The following WDCP variants were observed in gnomAD, a reference collection of about 807,000 sequenced individuals.
WDCP encodes WD repeat and coiled-coil-containing protein.
In WDCP, 19 loss-of-function variants were observed where a neutral mutation model predicts 41.6. The observed-to-expected ratio is 0.46, with a 90% CI of 0.32 to 0.67. WDCP has a LOEUF of 0.67. WDCP is among the 30% of genes least tolerant of loss of function. WDCP has a pLI of 0.04. For missense variants in WDCP, 802 were observed against 850.7 expected, an observed-to-expected ratio of 0.94 and a Z score of 0.71; for synonymous variants, 302 against 320.8, an observed-to-expected ratio of 0.94 and a Z score of 0.63.
At chr2:24,041,188 AATT>A (rs1157734339) in intron 1 of WDCP, among the ~76,000 whole-genome samples, 1 of 151,124 alleles carries the variant, frequency 6.6e-6, no homozygotes, top group African/African-American at 2.4e-5. Flanking sequence ...ATAATACAAA[AATT>A]AGCCGGGCAT....
intron 2 of WDCP, among the ~76,000 whole-genome samples, chr2:24,036,534 T>A (rs1663262630): frequency 6.6e-6 from 1 of 152,202 alleles, no homozygotes; most frequent in Admixed American, 6.5e-5. Flanking sequence ...GTAACTCAAT[T>A]AAAAGTAGAA....
At position 24,039,210 on chromosome 2, in the gene WDCP, C is replaced by CT; in HGVS notation, c.284_285insA (p.Met95IlefsTer13). 6.2e-7 allele frequency: 1 copy of CT among 1,614,224 alleles called. No individual in the cohort carries two copies. Among genetic ancestry groups the CT allele is most frequent in the Non-Finnish European group, 8.5e-7 (1 of 1,180,036 alleles). On this transcript the variant is annotated frameshift_variant, in exon 2 of 4. Transcript: ENST00000295148. LOFTEE classifies it high-confidence loss of function. Reference sequence around the variant, plus strand: ...GAGACGTCAGCCATTTGCTTGACTCCATAGGGCTGGGACACAGCTGCCACA... The same window carrying CT: ...GAGACGTCAGCCATTTGCTTGACTCCTATAGGGCTGGGACACAGCTGCCACA...
intron 3 of WDCP, among the ~76,000 whole-genome samples, chr2:24,031,819 C>G (rs186731848): frequency 1.7e-4 from 26 of 148,790 alleles, no homozygotes; most frequent in African/African-American, 6.2e-4. Context: ...GAGTGAGACT[C>G]GGTCTCAAAA....
rs755915811 is a variant in WDCP at position 24,038,577 on chromosome 2, C to T, written c.918G>A (p.Lys306=). 1 of 1,614,020 alleles carries T rather than the reference C, an allele frequency of 6.2e-7. No individual in the cohort carries two copies. Among genetic ancestry groups the T allele is most frequent in the Non-Finnish European group, 8.5e-7 (1 of 1,179,968 alleles). Residue 306 remains lysine (K), a synonymous_variant, in exon 2 of 4, where the codon AAG becomes AAA. Coordinates refer to ENST00000295148, the MANE Select transcript of WDCP (RefSeq NM_025203.3). ...EGNSLICLRK[K]DYLTGTGQDS... The stretch of plus-strand genomic sequence containing the variant: ...CTTGGCCAGTTCCTGTCAAGTAGTC[C>T]TTTTTTCTTAGACAAATAAGAGAAT...
Position 24,030,751 on chromosome 2 carries a change from G to A in WDCP, c.*182C>T. On this transcript the variant is annotated 3_prime_UTR_variant, in exon 4 of 4. Coordinates refer to ENST00000295148, the MANE Select transcript of WDCP (RefSeq NM_025203.3). ...CTTTCGGAGCCATCTAATAAAGACT[G>A]AGCTCTGCTACACAGCAGCGAGCCT... The A allele has an allele frequency of 3.4e-6, 2 of 591,478 alleles. No individual in the cohort carries two copies. Among genetic ancestry groups the A allele is most frequent in the Non-Finnish European group, 6.1e-6 (2 of 327,594 alleles). 36.6% of individuals were successfully genotyped at this position (591,478 alleles called of 1,614,324 possible). A position where few individuals can be genotyped will look rare whatever the true frequency, so the allele number is the denominator to read the frequency against.
intron 2 of WDCP, among the ~76,000 whole-genome samples, chr2:24,033,418 A>G (rs1474438226): frequency 6.6e-6 from 1 of 152,194 alleles, no homozygotes; most frequent in Non-Finnish European, 1.5e-5. Context: ...AAAAGCACAA[A>G]TAAAAATAAA....
At chr2:24,042,577 C>T (rs1296273806) in intron 1 of WDCP, among the ~76,000 whole-genome samples, 2 of 146,526 alleles carry the variant, frequency 1.4e-5, no homozygotes, top group Non-Finnish European at 3.0e-5. Flanking sequence ...GCTGTGGTGG[C>T]GCATGCCTGT....
At position 24,034,351 on chromosome 2, in the gene WDCP, C is replaced by T. The variant is rs192554558; in HGVS notation, c.1819-1405G>A. Among the ~76,000 whole-genome samples, 24 of 152,166 alleles carry T rather than the reference C, an allele frequency of 1.6e-4. No homozygotes were observed. In the East Asian group the frequency reaches 4.2e-3, roughly 27 times the overall value. ...CAGAGAATCGCTTGAACCCAGGAGGCGGAGGTTGCAGTGAGCCAAGATCGC... is the reference window on the plus strand; with the variant it reads ...CAGAGAATCGCTTGAACCCAGGAGGTGGAGGTTGCAGTGAGCCAAGATCGC... On this transcript the variant is annotated intron_variant, in intron 2 of 3. Transcript: ENST00000295148.
chr2:24,034,574 CT>C (rs70944707), intron 2 of WDCP, among the ~76,000 whole-genome samples: 89 of 137,996 alleles, frequency 6.4e-4, no homozygotes, highest in Non-Finnish European at 6.6e-4. Context: ...GGCAACAAAA[CT>C]TTTTTTTTTT....
At chr2:24,042,495 C>T (rs111911450) in intron 1 of WDCP, among the ~76,000 whole-genome samples, 1 of 145,644 alleles carries the variant, frequency 6.9e-6, no homozygotes, top group South Asian at 2.2e-4. Flanking sequence ...GAGATCGCAC[C>T]ACTGCACTCC....
intron 2 of WDCP, among the ~76,000 whole-genome samples, chr2:24,033,467 C>A (rs1663157223): frequency 6.6e-6 from 1 of 152,172 alleles, no homozygotes; most frequent in Non-Finnish European, 1.5e-5. Flanking sequence ...ATTGGCTGGG[C>A]ACAGTGGCTC....
In WDCP at chr2:24,039,466, C is replaced by G; in HGVS notation, c.29G>C (p.Arg10Thr). Reference protein sequence around the residue: MELGKGKLLRTGLNALHQAV... With the variant: MELGKGKLLTTGLNALHQAV... ...TTGATGCAACGCATTCAGTCCAGTCCTGAGTAGTTTTCCTTTTCCCAACTC... is the reference window on the plus strand; with the variant it reads ...TTGATGCAACGCATTCAGTCCAGTCGTGAGTAGTTTTCCTTTTCCCAACTC... The change falls in exon 2 of 4, where the codon AGG becomes ACG. Residue 10 changes from arginine to threonine, a missense_variant. By Grantham distance (71) the Arg-to-Thr change is moderately conservative. This residue lies in a region of WDCP where 214 missense variants were observed against 252.9 expected (regional missense o/e 0.85). Transcript: ENST00000295148. 6.2e-7 allele frequency: 1 copy of G among 1,612,898 alleles called. No individual in the cohort carries two copies. The highest frequency in any genetic ancestry group is 1.1e-5 in the South Asian group (1 of 91,056).
Position 24,046,892 on chromosome 2 carries a change from T to C in WDCP, c.-19+422A>G, listed in dbSNP as rs190098266. Among the ~76,000 whole-genome samples, 275 of 152,294 alleles carry C rather than the reference T, an allele frequency of 1.8e-3. 1 individual carries two copies. Among genetic ancestry groups the C allele is most frequent in the African/African-American group, 6.4e-3 (267 of 41,544 alleles). On this transcript the variant is annotated intron_variant, in intron 1 of 3. Coordinates refer to ENST00000295148, the MANE Select transcript of WDCP (RefSeq NM_025203.3). ...AACATTATATATTAGCATTTCCCTA[T>C]GTTATTTAAAAGTTTAATAAATTAG...
chr2:24,033,377 C>T (rs916731967), intron 2 of WDCP: 2 of 237,908 alleles, frequency 8.4e-6, no homozygotes, highest in African/African-American at 2.3e-5. Context: ...ATAAAATAAA[C>T]AAACCATGGT....
chr2:24,042,804 G>A (rs771048278), intron 1 of WDCP, among the ~76,000 whole-genome samples: 2 of 151,870 alleles, frequency 1.3e-5, no homozygotes, highest in Non-Finnish European at 2.9e-5. Context: ...AGGCCGAGGC[G>A]GGCAGATCAC....
rs12996931 is a variant in WDCP, at chr2:24,045,619, A to G, written c.-19+1695T>C. On this transcript the variant is annotated intron_variant, in intron 1 of 3. Transcript: ENST00000295148. Reference sequence around the variant, plus strand: ...CCATCTCAAAAAAAAAAAAAAAAAAAAGAGAGAGAGAGAGGAAGGAAGGAA... The same window carrying G: ...CCATCTCAAAAAAAAAAAAAAAAAAGAGAGAGAGAGAGAGGAAGGAAGGAA... 4.2e-3 allele frequency among the ~76,000 whole-genome samples: 366 copies of G among 87,792 alleles called. 7 individuals are homozygous for G. Among genetic ancestry groups the G allele is most frequent in the East Asian group, 0.035 (148 of 4,234 alleles). The allele number at this position is 87,792 out of a possible 152,430, so 57.6% of individuals were successfully genotyped here. A position where few individuals can be genotyped will look rare whatever the true frequency, so the allele number is the denominator to read the frequency against.
intron 1 of WDCP, among the ~76,000 whole-genome samples, chr2:24,045,633 GGA>G (rs150267187): frequency 0.14 from 14,132 of 99,618 alleles, 919 homozygotes; most frequent in South Asian, 0.22. Context: ...GAGAGAGAGA[GGA>G]AGGAAGGAAG....
intron 1 of WDCP, among the ~76,000 whole-genome samples, chr2:24,040,388 G>A (rs1558335956): frequency 6.6e-6 from 1 of 152,124 alleles, no homozygotes; most frequent in Non-Finnish European, 1.5e-5. Flanking sequence ...TTTAAGAAAA[G>A]TCTCCTCCAT....
intron 1 of WDCP, among the ~76,000 whole-genome samples, chr2:24,044,451 G>C (rs183073424): frequency 9.2e-5 from 14 of 152,190 alleles, no homozygotes; most frequent in African/African-American, 2.9e-4. Context: ...ATTTTTAGTA[G>C]AGACTGGGTT....
Sources: allele counts gnomAD v4.1 joint callset (sites outside exome capture counted in the v4.1 genomes callset), GRCh38; gene constraint gnomAD v4.1.1; regional missense constraint gnomAD v4.1.1; transcripts MANE v1.5; gene names NCBI Gene and HGNC (gene_info 2026-07-23, HGNC 2026-07-21).